NADSYN1: variants seen among roughly 807,000 people sequenced by gnomAD.
NADSYN1 encodes the protein NAD synthetase 1, also known as glutamine-dependent NAD(+) synthetase.
In NADSYN1, 80 loss-of-function variants were observed where a neutral mutation model predicts 99.3. The observed-to-expected ratio is 0.81, with a 90% CI of 0.67 to 0.97. NADSYN1 has a LOEUF of 0.97. Ranked by LOEUF, NADSYN1 falls within the 50% of genes least tolerant of loss-of-function variation. The pLI, the probability that NADSYN1 is intolerant of heterozygous loss-of-function variation, is 0.00. For missense variants in NADSYN1, 859 were observed against 948.5 expected, an observed-to-expected ratio of 0.91 and a Z score of 1.24; for synonymous variants, 385 against 372.1, an observed-to-expected ratio of 1.03 and a Z score of -0.40.
chr11:71,491,978 AC>A, intron 18 of NADSYN1, 75 bp downstream of exon 18: 1 of 1,401,692 alleles, frequency 7.1e-7, no homozygotes, highest in Non-Finnish European at 9.9e-7. Flanking sequence ...GGCTCTTCCT[AC>A]CTCCCTCCTG....
intron 13 of NADSYN1, 51 bp from the exon 14 acceptor site, chr11:71,482,798 C>G (rs377186841): frequency 3.1e-6 from 5 of 1,595,658 alleles, no homozygotes; most frequent in Non-Finnish European, 4.3e-6. Flanking sequence ...ACTATGTAAA[C>G]ATCCCACACA....
At chr11:71,464,248 T>G (rs1949572493) in intron 5 of NADSYN1, 106 bp downstream of exon 5, 2 of 847,638 alleles carry the variant, frequency 2.4e-6, no homozygotes, top group Non-Finnish European at 3.6e-6. Context: ...GTGTCCAGGT[T>G]TTTGACATTT....
In NADSYN1 at chr11:71,484,483, G is replaced by GGGTGCA. The variant is rs756943617; in HGVS notation, c.1455+39_1455+44dup. ...CTGGGCCGGCGTCCCCTGGGGGTGG[G>GGGTGCA]GGTGCAGGGAGCACTGGGACAATCA... On this transcript the variant is annotated intron_variant, in intron 15 of 20. Transcript: ENST00000319023. 7 of 1,595,340 alleles carry GGGTGCA rather than the reference G, an allele frequency of 4.4e-6. No individual in the cohort carries two copies. In the East Asian group the frequency reaches 1.6e-4, roughly 36 times the overall value.
intron 5 of NADSYN1, among the ~76,000 whole-genome samples, chr11:71,467,847 G>A (rs767497815): frequency 9.9e-5 from 15 of 152,198 alleles, no homozygotes; most frequent in Non-Finnish European, 1.9e-4. Flanking sequence ...AAAAGATGCT[G>A]TTCTCAGATA....
chr11:71,481,421 C>T lies in NADSYN1; in HGVS notation c.1047+17C>T. On this transcript the variant is annotated intron_variant, in intron 12 of 20. Coordinates refer to ENST00000319023, the MANE Select transcript of NADSYN1 (RefSeq NM_018161.5). ...AGTCAACAGGTAAGACTTCCAGTTTCTAGTGAGCCCACTTTGCTTGTTCTG... is the reference window on the plus strand; with the variant it reads ...AGTCAACAGGTAAGACTTCCAGTTTTTAGTGAGCCCACTTTGCTTGTTCTG... The T allele has an allele frequency of 6.2e-7, 1 of 1,612,590 alleles. No individual in the cohort carries two copies. The highest frequency in any genetic ancestry group is 8.5e-7 in the Non-Finnish European group (1 of 1,179,036).
chr11:71,453,279 C>A lies in NADSYN1; in HGVS notation c.-18C>A, dbSNP rs1489175017. 2 of 1,611,826 alleles carry A rather than the reference C, an allele frequency of 1.2e-6. No individual in the cohort carries two copies. The highest frequency in any genetic ancestry group is 1.7e-6 in the Non-Finnish European group (2 of 1,178,802). Reference sequence around the variant, plus strand: ...TGCTGTCCCCCGCTGGCCTCCTGCCCAAGCGACTGCGGCCAGGATGGGCCG... The same window carrying A: ...TGCTGTCCCCCGCTGGCCTCCTGCCAAAGCGACTGCGGCCAGGATGGGCCG... On this transcript the variant is annotated 5_prime_UTR_variant, in exon 1 of 21. Transcript: ENST00000319023.
chr11:71,493,140 C>T (rs144796313), intron 18 of NADSYN1, among the ~76,000 whole-genome samples: 101 of 152,288 alleles, frequency 6.6e-4, no homozygotes, highest in African/African-American at 2.3e-3. Context: ...GTAACCCGCC[C>T]GCCTTGGCCT....
At chr11:71,463,636 A>C in intron 4 of NADSYN1, 151 bp downstream of exon 4, 1 of 693,930 alleles carries the variant, frequency 1.4e-6, no homozygotes, top group Non-Finnish European at 2.4e-6. Context: ...CCGATGCACC[A>C]GGCAGGTGAT....
At position 71,501,551 on chromosome 11, in the gene NADSYN1, C is replaced by T. The variant is rs1949857818; in HGVS notation, c.*199C>T. On this transcript the variant is annotated 3_prime_UTR_variant, in exon 21 of 21. Coordinates refer to ENST00000319023, the MANE Select transcript of NADSYN1 (RefSeq NM_018161.5). ...CTGGGCTTAAAAAGAGGCTGGAATC[C>T]AATGCACATGATTTTGACCTCCCGC... 1.7e-6 allele frequency: 1 copy of T among 577,780 alleles called. No individual in the cohort carries two copies. Among genetic ancestry groups the T allele is most frequent in the Non-Finnish European group, 3.0e-6 (1 of 331,062 alleles). The allele number at this position is 577,780 out of a possible 1,614,324, so 35.8% of individuals were successfully genotyped here. A position where few individuals can be genotyped will look rare whatever the true frequency, so the allele number is the denominator to read the frequency against.
At position 71,470,399 on chromosome 11, in the gene NADSYN1, A is replaced by C. The variant is rs79078920; in HGVS notation, c.408-2050A>C. ...AAGATTTGATGCGGGGAGCACTTCC[A>C]AGGAGAGAGCAGCGCACGCTGGGGG... On this transcript the variant is annotated intron_variant, in intron 5 of 20. Coordinates refer to ENST00000319023, the MANE Select transcript of NADSYN1 (RefSeq NM_018161.5). 2.5e-3 allele frequency among the ~76,000 whole-genome samples: 387 copies of C among 152,376 alleles called. 10 individuals are homozygous for C. The East Asian group carries it at 0.06, about 24-fold the overall frequency.
At chr11:71,460,282 GACC>G (rs1311317392) in intron 3 of NADSYN1, 1 of 152,286 alleles carries the variant, frequency 6.6e-6, no homozygotes, top group Non-Finnish European at 1.5e-5. Context: ...AGAGTCAGAC[GACC>G]ACAAGGACTT....
intron 20 of NADSYN1, chr11:71,498,954 C>T (rs1007001781): frequency 6.4e-6 from 1 of 157,444 alleles, no homozygotes; most frequent in Non-Finnish European, 1.4e-5. Flanking sequence ...AATCTCCCCA[C>T]CCACCAGCCC....
intron 19 of NADSYN1, among the ~76,000 whole-genome samples, chr11:71,498,124 A>G (rs1428213695): frequency 2.0e-5 from 3 of 151,644 alleles, no homozygotes; most frequent in African/African-American, 7.3e-5. Flanking sequence ...ATAGCATCAG[A>G]GGTGGGGGAC....
At chr11:71,473,209 C>T in intron 6 of NADSYN1, 69 bp from the exon 7 acceptor site, 1 of 1,446,084 alleles carries the variant, frequency 6.9e-7, no homozygotes, top group Non-Finnish European at 9.7e-7. Flanking sequence ...TGTCCGTGGC[C>T]CTAGGTAGTG....
chr11:71,482,512 C>G (rs559669913), intron 13 of NADSYN1, among the ~76,000 whole-genome samples: 1 of 150,956 alleles, frequency 6.6e-6, no homozygotes, highest in Non-Finnish European at 1.5e-5. Flanking sequence ...GCACAGGCAC[C>G]TGGGGGTGTA....
At chr11:71,455,399 A>G (rs941807278) in intron 2 of NADSYN1, 1 of 471,308 alleles carries the variant, frequency 2.1e-6, no homozygotes, top group African/African-American at 2.0e-5. Flanking sequence ...GACTTTTACC[A>G]GATGAAGGCC....
chr11:71,472,607 AC>A, intron 6 of NADSYN1, 107 bp downstream of exon 6: 1 of 991,466 alleles, frequency 1.0e-6, no homozygotes, highest in Non-Finnish European at 1.6e-6. Flanking sequence ...AATGGAAGGC[AC>A]CACAGTGCTC....
chr11:71,490,637 G>A (rs564049135), intron 16 of NADSYN1, among the ~76,000 whole-genome samples: 4 of 152,230 alleles, frequency 2.6e-5, no homozygotes, highest in South Asian at 2.1e-4. Context: ...TGCCATCCCC[G>A]GCGTCTCCTC....
chr11:71,454,874 A>G (rs554504940), intron 1 of NADSYN1, among the ~76,000 whole-genome samples: 1 of 148,786 alleles, frequency 6.7e-6, no homozygotes, highest in Non-Finnish European at 1.5e-5. Flanking sequence ...GGTATATGCA[A>G]GTATAAGCAG....
Sources: gnomAD v4.1 joint callset for allele counts (sites outside exome capture counted in the v4.1 genomes callset) on GRCh38, gnomAD v4.1.1 for gene constraint, MANE v1.5 for transcripts, NCBI Gene and HGNC (gene_info 2026-07-23, HGNC 2026-07-21) for gene names.